The following SDK1 variants were observed in gnomAD, a reference collection of about 807,000 sequenced individuals.
The protein encoded by SDK1 is sidekick cell adhesion molecule 1, also known as protein sidekick-1.
SDK1 carries 157 observed loss-of-function variants against 245.5 expected under a neutral mutation model. The ratio of observed to expected loss-of-function variants is 0.64; its 90% CI spans 0.56 to 0.73. The LOEUF is 0.73. Among genes scored for constraint, SDK1 ranks in the 30% least tolerant of loss-of-function variants. The probability of loss-of-function intolerance (pLI) is 0.00; values close to 1 mark genes in which losing one functional copy is unlikely to be tolerated. For synonymous variants in SDK1, 1,647 were observed against 1,278.5 expected, an observed-to-expected ratio of 1.29 and a Z score of -6.15; for missense variants, 3,583 against 3,002.3, an observed-to-expected ratio of 1.19 and a Z score of -4.52.
At chr7:3,694,801 A>AC (rs1461143466) in intron 4 of SDK1, among the ~76,000 whole-genome samples, 1 of 152,156 alleles carries the variant, frequency 6.6e-6, no homozygotes, top group Non-Finnish European at 1.5e-5. Flanking sequence ...AAGTTTGTGA[A>AC]CCATTGCACT....
At chr7:4,258,472 C>T (rs565088734) in intron 44 of SDK1, among the ~76,000 whole-genome samples, 2 of 152,216 alleles carry the variant, frequency 1.3e-5, no homozygotes, top group African/African-American at 2.4e-5. Context: ...TGCAGAGACG[C>T]TTTCCATATA....
At chr7:3,671,994 AG>A (rs1190845176) in intron 4 of SDK1, among the ~76,000 whole-genome samples, 2 of 152,174 alleles carry the variant, frequency 1.3e-5, no homozygotes, top group African/African-American at 4.8e-5. Context: ...TGGAGCTAAA[AG>A]CAGGAACACA....
intron 1 of SDK1, among the ~76,000 whole-genome samples, chr7:3,406,040 T>G (rs1008266831): frequency 6.6e-6 from 1 of 152,134 alleles, no homozygotes; most frequent in Non-Finnish European, 1.5e-5. Flanking sequence ...CTCAAACTCC[T>G]GACCTCAAGT....
At chr7:3,584,911 A>G (rs1004368608) in intron 1 of SDK1, among the ~76,000 whole-genome samples, 2 of 151,876 alleles carry the variant, frequency 1.3e-5, no homozygotes, top group Admixed American at 6.6e-5. Flanking sequence ...TTTTTAGCGG[A>G]GACGGAGTTT....
intron 1 of SDK1, among the ~76,000 whole-genome samples, chr7:3,583,531 T>C (rs751806270): frequency 6.6e-6 from 1 of 152,164 alleles, no homozygotes; most frequent in Non-Finnish European, 1.5e-5. Flanking sequence ...ATCTGTCTAG[T>C]TCATAGCACT....
chr7:3,478,904 C>G (rs1206238544), intron 1 of SDK1, among the ~76,000 whole-genome samples: 3 of 151,900 alleles, frequency 2.0e-5, no homozygotes, highest in African/African-American at 7.3e-5. Flanking sequence ...TTCATGTATA[C>G]TTTAGCTTTA....
chr7:4,074,564 C>T (rs535679857), intron 20 of SDK1, among the ~76,000 whole-genome samples: 5 of 152,026 alleles, frequency 3.3e-5, no homozygotes, highest in East Asian at 1.9e-4. Flanking sequence ...AGATGTAAAG[C>T]GAGGGCAGGG....
At chr7:3,825,646 C>A (rs1322606062) in intron 5 of SDK1, among the ~76,000 whole-genome samples, 4 of 152,216 alleles carry the variant, frequency 2.6e-5, no homozygotes, top group African/African-American at 9.6e-5. Context: ...ACTTAACATT[C>A]TTTTGTCCTC....
intron 40 of SDK1, among the ~76,000 whole-genome samples, chr7:4,230,574 G>T (rs117298771): frequency 1.3e-5 from 2 of 152,022 alleles, no homozygotes; most frequent in Admixed American, 1.3e-4. Flanking sequence ...AAGGATGAAT[G>T]GATGGATAAT....
chr7:3,537,914 C>G (rs898605026), intron 1 of SDK1, among the ~76,000 whole-genome samples: 4 of 152,180 alleles, frequency 2.6e-5, no homozygotes, highest in African/African-American at 9.7e-5. Context: ...GGCAGATACC[C>G]CAGAGTCTCC....
chr7:3,407,311 G>A (rs763256764), intron 1 of SDK1, among the ~76,000 whole-genome samples: 13 of 152,194 alleles, frequency 8.5e-5, no homozygotes, highest in Non-Finnish European at 1.9e-4. Context: ...TCCTTCAGGG[G>A]CTGATTGAAA....
intron 5 of SDK1, among the ~76,000 whole-genome samples, chr7:3,943,432 C>G (rs1414819488): frequency 3.1e-4 from 1 of 3,216 alleles, no homozygotes; most frequent in Non-Finnish European, 5.5e-4. Context: ...GCTTCAGGGT[C>G]TTGCATATTC....
intron 30 of SDK1, among the ~76,000 whole-genome samples, chr7:4,153,613 G>T (rs1334166248): frequency 6.6e-6 from 1 of 152,126 alleles, no homozygotes; most frequent in Non-Finnish European, 1.5e-5. Flanking sequence ...AGATGAACTT[G>T]GCCAAGGATA....
intron 44 of SDK1, among the ~76,000 whole-genome samples, chr7:4,262,684 C>G (rs1441905382): frequency 7.0e-6 from 1 of 142,568 alleles, no homozygotes; most frequent in South Asian, 2.4e-4. Flanking sequence ...GGAGGATGCA[C>G]CCCCCAATCC....
chr7:3,606,483 A>T (rs954396223), intron 1 of SDK1, among the ~76,000 whole-genome samples: 3 of 152,162 alleles, frequency 2.0e-5, no homozygotes, highest in African/African-American at 7.2e-5. Flanking sequence ...CCAGGGTCCC[A>T]TAAGACTTCT....
At chr7:3,945,957 C>A in intron 5 of SDK1, among the ~76,000 whole-genome samples, 3 of 102,076 alleles carry the variant, frequency 2.9e-5, no homozygotes, top group Non-Finnish European at 4.2e-5. Context: ...GTGCTCTTTC[C>A]AAAATTAAAA....
intron 1 of SDK1, among the ~76,000 whole-genome samples, chr7:3,487,284 A>G (rs991849372): frequency 6.6e-6 from 1 of 152,188 alleles, no homozygotes; most frequent in Non-Finnish European, 1.5e-5. Context: ...TGAAAAACAT[A>G]CAACTTTACC....
chr7:3,448,284 T>A (rs1456377310), intron 1 of SDK1, among the ~76,000 whole-genome samples: 1 of 152,188 alleles, frequency 6.6e-6, no homozygotes, highest in Non-Finnish European at 1.5e-5. Flanking sequence ...GGCTTATGTT[T>A]ATTGGCCATT....
intron 4 of SDK1, among the ~76,000 whole-genome samples, chr7:3,718,363 C>T (rs1006126241): frequency 6.6e-6 from 1 of 151,256 alleles, no homozygotes; most frequent in Non-Finnish European, 1.5e-5. Context: ...ATAAATTGGC[C>T]AGCTGTGGTG....
Sources: allele counts gnomAD v4.1 joint callset (sites outside exome capture counted in the v4.1 genomes callset), GRCh38; gene constraint gnomAD v4.1.1; transcripts MANE v1.5; gene names NCBI Gene and HGNC (gene_info 2026-07-23, HGNC 2026-07-21).